Variants in SRSF4 observed in about 807,000 individuals in gnomAD.
The protein encoded by SRSF4 is serine and arginine rich splicing factor 4, also known as serine/arginine-rich splicing factor 4.
Under a neutral mutation model 48.8 loss-of-function variants are expected in SRSF4, and 12 were observed. That is an observed-to-expected ratio of 0.25 (90% CI 0.16 to 0.40). The LOEUF is 0.40. SRSF4 is among the 10% of genes least tolerant of loss of function. The pLI, the probability that SRSF4 is intolerant of heterozygous loss-of-function variation, is 1.00. For synonymous variants in SRSF4, 248 were observed against 232.5 expected, an observed-to-expected ratio of 1.07 and a Z score of -0.61; for missense variants, 466 against 667.1, an observed-to-expected ratio of 0.70 and a Z score of 3.32.
Position 29,158,410 on chromosome 1 carries a change from T to C in SRSF4, c.363+964A>G, listed in dbSNP as rs913570353. On this transcript the variant is annotated intron_variant, in intron 3 of 5. Coordinates refer to ENST00000373795, the MANE Select transcript of SRSF4 (RefSeq NM_005626.5). ...ACCATTTTATTGACTGGTGAGTAGC[T>C]ACACTGCCATCTTCTTGTAACCCTT... Among the ~76,000 whole-genome samples the C allele has an allele frequency of 4.0e-5, 6 of 151,428 alleles. No homozygotes were observed. In the East Asian group the frequency reaches 5.8e-4, roughly 15 times the overall value.
In SRSF4 at chr1:29,149,138, C is replaced by T. The variant is rs748973321; in HGVS notation, c.757G>A (p.Glu253Lys). ...CTATGGCTGCGGCTGCGGCTCTTTT[C>T]CTTGCTGGGGCTCCTGCTTTTCTCT... is the stretch of plus-strand genomic sequence containing the variant. ...KKEKSRSPSKEKSRSRSHSAG... is the reference protein window; with the variant it reads ...KKEKSRSPSKKKSRSRSHSAG... Residue 253 changes from glutamate to lysine, a missense_variant, in exon 6 of 6, where the codon GAA becomes AAA. Glu to Lys is a moderately conservative substitution (Grantham distance 56, BLOSUM62 1). Coordinates refer to ENST00000373795, the MANE Select transcript of SRSF4 (RefSeq NM_005626.5). 1 of 1,608,570 alleles carries T rather than the reference C, an allele frequency of 6.2e-7. No homozygotes were observed. The highest frequency in any genetic ancestry group is 8.5e-7 in the Non-Finnish European group (1 of 1,176,888).
At chr1:29,171,802 G>A (rs1218627513) in intron 1 of SRSF4, 6 of 151,992 alleles carry the variant, frequency 3.9e-5, no homozygotes, top group Non-Finnish European at 7.4e-5. Flanking sequence ...TTTTAAGAAG[G>A]GACAAATACT....
rs561126954 is a variant in SRSF4, at chr1:29,152,257, T to C, written c.579-2065A>G. On this transcript the variant is annotated intron_variant, in intron 4 of 5. Transcript: ENST00000373795. ...ACTGAAGCAGTTGCAGATGGAATGA[T>C]AGATGTCTAGACTTGCCTTACAACA... Among the ~76,000 whole-genome samples the C allele has an allele frequency of 1.6e-4, 24 of 152,336 alleles. 1 individual carries two copies. Among genetic ancestry groups the C allele is most frequent in the East Asian group, 5.8e-4 (3 of 5,190 alleles).
intron 1 of SRSF4, among the ~76,000 whole-genome samples, chr1:29,176,550 G>A (rs377032947): frequency 3.3e-5 from 5 of 151,340 alleles, no homozygotes; most frequent in African/African-American, 1.2e-4. Context: ...CAGCAACCTG[G>A]AACATTAAAC....
At chr1:29,154,643 G>A in intron 4 of SRSF4, 53 bp downstream of exon 4, 1 of 1,517,428 alleles carries the variant, frequency 6.6e-7, no homozygotes, top group Non-Finnish European at 9.1e-7. Context: ...TTATCTATGT[G>A]CTCACTAATG....
chr1:29,179,003 T>C (rs1274197996), intron 1 of SRSF4, among the ~76,000 whole-genome samples: 2 of 152,190 alleles, frequency 1.3e-5, no homozygotes, highest in Admixed American at 6.5e-5. Context: ...ATTTCATGCA[T>C]ATCATGGTTT....
At position 29,168,012 on chromosome 1, in the gene SRSF4, C is replaced by CTT. The variant is rs5773233; in HGVS notation, c.108-7497_108-7496dup. On this transcript the variant is annotated intron_variant, in intron 1 of 5. Coordinates refer to ENST00000373795, the MANE Select transcript of SRSF4 (RefSeq NM_005626.5). ...GCTCTAAACCACAAGGTTCTAATTCCTTTTTTTTTTTTTTTTTAAAAAAAA... is the reference window on the plus strand; with the variant it reads ...GCTCTAAACCACAAGGTTCTAATTCCTTTTTTTTTTTTTTTTTTTAAAAAAAA... Among the ~76,000 whole-genome samples, 461 of 133,296 alleles carry CTT rather than the reference C, an allele frequency of 3.5e-3. 1 individual carries two copies. The highest frequency in any genetic ancestry group is 0.023 in the Middle Eastern group (6 of 260). 87.4% of individuals were successfully genotyped at this position (133,296 alleles called of 152,430 possible). A position where few individuals can be genotyped will look rare whatever the true frequency, so the allele number is the denominator to read the frequency against.
chr1:29,169,149 C>T (rs1213986063), intron 1 of SRSF4: 1 of 152,166 alleles, frequency 6.6e-6, no homozygotes, highest in African/African-American at 2.4e-5. Flanking sequence ...CACATTATAT[C>T]CATTTAATTT....
At chr1:29,165,209 A>G (rs970374595) in intron 1 of SRSF4, among the ~76,000 whole-genome samples, 1 of 152,234 alleles carries the variant, frequency 6.6e-6, no homozygotes, top group African/African-American at 2.4e-5. Context: ...AGTCTTACCA[A>G]GTATAGACAG....
intron 1 of SRSF4, chr1:29,169,992 C>T (rs2151821083): frequency 6.6e-6 from 1 of 152,302 alleles, no homozygotes; most frequent in Admixed American, 6.5e-5. Context: ...AGGTATTTCA[C>T]TTTTACACTG....
At chr1:29,163,886 T>C (rs748505060) in intron 1 of SRSF4, among the ~76,000 whole-genome samples, 1 of 152,228 alleles carries the variant, frequency 6.6e-6, no homozygotes, top group Non-Finnish European at 1.5e-5. Flanking sequence ...CTACAAACTT[T>C]GAAGAGCAAA....
Position 29,150,115 on chromosome 1 carries a change from C to G in SRSF4, c.656G>C (p.Arg219Thr). The G allele has an allele frequency of 6.2e-7, 1 of 1,613,884 alleles. No homozygotes were observed. The highest frequency in any genetic ancestry group is 1.7e-5 in the Admixed American group (1 of 59,990). The change falls in exon 5 of 6, where the codon AGA (arginine) becomes ACA (threonine). Residue 219 changes from arginine to threonine, a missense_variant. By Grantham distance (71) the Arg-to-Thr change is moderately conservative. Transcript: ENST00000373795. ...ATGGAAGACATACCTGGACCGAGAT[C>G]TACTCTTAGAATGACTGCTTTTGCT... Reference protein sequence around the residue: ...GSSKSSHSKSRSRSRSGSRSR... With the variant: ...GSSKSSHSKSTSRSRSGSRSR...
At chr1:29,170,149 C>A (rs1574199378) in intron 1 of SRSF4, 1 of 152,092 alleles carries the variant, frequency 6.6e-6, no homozygotes, top group East Asian at 1.9e-4. Context: ...CACTTTTCAA[C>A]ACTAAGGATA....
chr1:29,153,981 C>T (rs1174817250), intron 4 of SRSF4, among the ~76,000 whole-genome samples: 1 of 152,124 alleles, frequency 6.6e-6, no homozygotes, highest in Non-Finnish European at 1.5e-5. Context: ...ACTGCAACCT[C>T]TGCCTCCTGG....
At chr1:29,161,600 T>C (rs1250772373) in intron 1 of SRSF4, among the ~76,000 whole-genome samples, 1 of 152,170 alleles carries the variant, frequency 6.6e-6, no homozygotes, top group Admixed American at 6.5e-5. Context: ...TACTTATTTA[T>C]TTATTTATTT....
chr1:29,148,545 C>A lies in SRSF4; in HGVS notation c.1350G>T (p.Ser450=), dbSNP rs148084661. The change falls in exon 6 of 6, where the codon TCG becomes TCT. Residue 450 remains serine, a synonymous_variant. Transcript: ENST00000373795. ...GTGATTCTGATGGAAGGTTTGGTTT[C>A]GATTTGGAATTGGATCTCGACCTGG... is the stretch of plus-strand genomic sequence containing the variant. ...TRSRSRSNSK[S]KPNLPSESRS... 16 of 1,614,022 alleles carry A rather than the reference C, an allele frequency of 9.9e-6. No homozygotes were observed. Among genetic ancestry groups the A allele is most frequent in the African/African-American group, 2.7e-5 (2 of 74,982 alleles).
In SRSF4 at chr1:29,181,717, C is replaced by A; in HGVS notation, c.36G>T (p.Gln12His). The A allele has an allele frequency of 6.3e-7, 1 of 1,594,604 alleles. No homozygotes were observed. Among genetic ancestry groups the A allele is most frequent in the Non-Finnish European group, 8.5e-7 (1 of 1,172,822 alleles). The part of the protein sequence containing the change: ...PRVYIGRLSY[Q>H]ARERDVERFF... The stretch of plus-strand genomic sequence containing the variant: ...AGCGCTCCACATCGCGCTCCCGGGC[C>A]TGGTAGCTCAGGCGGCCGATGTACA... Residue 12 changes from glutamine to histidine, a missense_variant, in exon 1 of 6, where the codon CAG becomes CAT. Transcript: ENST00000373795.
chr1:29,178,476 T>C (rs1672904397), intron 1 of SRSF4, among the ~76,000 whole-genome samples: 1 of 151,992 alleles, frequency 6.6e-6, no homozygotes, highest in African/African-American at 2.4e-5. Flanking sequence ...CTCGAGTAGC[T>C]GGGACTACAG....
At chr1:29,175,238 C>A (rs1352618273) in intron 1 of SRSF4, among the ~76,000 whole-genome samples, 1 of 150,372 alleles carries the variant, frequency 6.7e-6, no homozygotes, top group Non-Finnish European at 1.5e-5. Flanking sequence ...CGTGGTGAAA[C>A]CCCGTTTCTA....
Sources: gnomAD v4.1 joint callset for allele counts (sites outside exome capture counted in the v4.1 genomes callset) on GRCh38, gnomAD v4.1.1 for gene constraint, MANE v1.5 for transcripts, NCBI Gene and HGNC (gene_info 2026-07-23, HGNC 2026-07-21) for gene names.